AP3B1: variants seen among roughly 807,000 people sequenced by gnomAD.
AP3B1 encodes the protein adaptor related protein complex 3 subunit beta 1, also known as AP-3 complex subunit beta-1.
In AP3B1, 61 loss-of-function variants were observed where a neutral mutation model predicts 132.5. The ratio of observed to expected loss-of-function variants is 0.46; its 90% CI spans 0.37 to 0.57. The LOEUF is 0.57. AP3B1 is among the 20% of genes least tolerant of loss of function. AP3B1 has a pLI of 0.00. For missense variants in AP3B1, 1,120 were observed against 1,289.4 expected, an observed-to-expected ratio of 0.87 and a Z score of 2.01; for synonymous variants, 388 against 438.3, an observed-to-expected ratio of 0.89 and a Z score of 1.43.
At chr5:78,098,680 T>C (rs1418758112) in intron 21 of AP3B1, among the ~76,000 whole-genome samples, 7 of 152,200 alleles carry the variant, frequency 4.6e-5, no homozygotes, top group Non-Finnish European at 1.0e-4. Context: ...CACTGAACAA[T>C]GCTGCAATGA....
chr5:78,128,281 C>G, intron 16 of AP3B1, 121 bp from the exon 17 acceptor site: 1 of 902,516 alleles, frequency 1.1e-6, no homozygotes, highest in Admixed American at 2.3e-5. Context: ...TAAATATAGA[C>G]TAGGAAGCTC....
In AP3B1 at chr5:78,015,392, G is replaced by A. The variant is rs372831527; in HGVS notation, c.3131+18C>T. ...TTCAAGTCATCTTCACCTCCACATC[G>A]TGTGTTAGTGAACCTACCTGTGTAT... On this transcript the variant is annotated intron_variant, in intron 26 of 26. Coordinates refer to ENST00000255194, the MANE Select transcript of AP3B1 (RefSeq NM_003664.5). 80 of 1,611,820 alleles carry A rather than the reference G, an allele frequency of 5.0e-5. No individual in the cohort carries two copies. Among genetic ancestry groups the A allele is most frequent in the Non-Finnish European group, 5.9e-5 (69 of 1,178,360 alleles).
At chr5:78,294,341 C>G in intron 1 of AP3B1, 111 bp downstream of exon 1, 1 of 1,524,780 alleles carries the variant, frequency 6.6e-7, no homozygotes, top group South Asian at 1.1e-5. Context: ...CCCTGCCCTG[C>G]TCAGACCTCA....
chr5:78,199,144 G>A (rs920405522), intron 7 of AP3B1, among the ~76,000 whole-genome samples: 1 of 152,138 alleles, frequency 6.6e-6, no homozygotes, highest in African/African-American at 2.4e-5. Flanking sequence ...GTAACTTTGT[G>A]TTGAGCCACT....
intron 22 of AP3B1, among the ~76,000 whole-genome samples, chr5:78,049,315 C>A (rs1013874272): frequency 6.6e-5 from 10 of 152,120 alleles, no homozygotes; most frequent in African/African-American, 2.4e-4. Flanking sequence ...ATAAGAACAC[C>A]GTTATTTCAA....
chr5:78,090,937 C>CT (rs11419217), intron 21 of AP3B1, among the ~76,000 whole-genome samples: 35,506 of 148,730 alleles, frequency 0.24, 4,359 homozygotes, highest in Admixed American at 0.31. Context: ...CATACCCAGC[C>CT]TTTTTTTTTT....
At chr5:78,078,681 T>C (rs564921220) in intron 22 of AP3B1, among the ~76,000 whole-genome samples, 2 of 152,352 alleles carry the variant, frequency 1.3e-5, no homozygotes, top group African/African-American at 4.8e-5. Context: ...CAGAATTACT[T>C]GCTCCCTTGT....
chr5:78,113,677 T>C (rs1751693056), intron 19 of AP3B1, 75 bp downstream of exon 19: 2 of 1,536,132 alleles, frequency 1.3e-6, no homozygotes. Flanking sequence ...ATTTTTTGAT[T>C]AATAAGAAAC....
At chr5:78,146,655 C>A (rs1327587452) in intron 14 of AP3B1, among the ~76,000 whole-genome samples, 1 of 152,048 alleles carries the variant, frequency 6.6e-6, no homozygotes, top group Non-Finnish European at 1.5e-5. Context: ...CAGCATTGAT[C>A]CCTCTTCTGT....
At chr5:78,144,188 A>G (rs1753284424) in intron 14 of AP3B1, among the ~76,000 whole-genome samples, 1 of 152,160 alleles carries the variant, frequency 6.6e-6, no homozygotes, top group South Asian at 2.1e-4. Flanking sequence ...TCTGCTTTTC[A>G]ATATTCTCAA....
intron 5 of AP3B1, among the ~76,000 whole-genome samples, chr5:78,226,196 G>A (rs2112492855): frequency 6.6e-6 from 1 of 152,168 alleles, no homozygotes; most frequent in Admixed American, 6.5e-5. Flanking sequence ...GGTGCCCAAT[G>A]ATAGAAGGAC....
At chr5:78,046,066 G>C (rs749395290) in intron 22 of AP3B1, among the ~76,000 whole-genome samples, 6 of 152,090 alleles carry the variant, frequency 3.9e-5, no homozygotes, top group African/African-American at 7.2e-5. Flanking sequence ...GCTGACCCCC[G>C]ATCTAAGGGC....
At chr5:78,018,399 G>A (rs1186404547) in intron 25 of AP3B1, among the ~76,000 whole-genome samples, 1 of 151,848 alleles carries the variant, frequency 6.6e-6, no homozygotes, top group Non-Finnish European at 1.5e-5. Context: ...TTGCATATTA[G>A]AAATAAAACT....
chr5:78,240,492 C>T (rs937328438), intron 3 of AP3B1, among the ~76,000 whole-genome samples: 2 of 152,098 alleles, frequency 1.3e-5, no homozygotes, highest in African/African-American at 4.8e-5. Flanking sequence ...TCCCAAAAAG[C>T]CCCAAATCAT....
chr5:78,009,556 T>G (rs1216275341), intron 26 of AP3B1, among the ~76,000 whole-genome samples: 1 of 152,192 alleles, frequency 6.6e-6, no homozygotes, highest in African/African-American at 2.4e-5. Flanking sequence ...TGTCTTTATG[T>G]GTGTTGATAA....
intron 14 of AP3B1, among the ~76,000 whole-genome samples, chr5:78,145,265 T>C (rs1184588881): frequency 6.6e-6 from 1 of 152,248 alleles, no homozygotes; most frequent in East Asian, 1.9e-4. Context: ...ACATAGCTAA[T>C]ATCTATTGAG....
chr5:78,110,973 G>A (rs1025422904), intron 19 of AP3B1, among the ~76,000 whole-genome samples: 3 of 151,910 alleles, frequency 2.0e-5, no homozygotes, highest in South Asian at 2.1e-4. Flanking sequence ...GCCTAGGCTG[G>A]TCTGGAACTT....
intron 22 of AP3B1, among the ~76,000 whole-genome samples, chr5:78,063,761 T>C (rs1749159596): frequency 6.6e-6 from 1 of 152,256 alleles, no homozygotes; most frequent in Non-Finnish European, 1.5e-5. Context: ...AGTCTAGTAG[T>C]TTTCTAGCAA....
rs143269128 is a variant in AP3B1 at position 78,188,995 on chromosome 5, C to T, written c.787-7333G>A. 8.9e-3 allele frequency among the ~76,000 whole-genome samples: 1,356 copies of T among 152,242 alleles called. 18 individuals carry two copies. The highest frequency in any genetic ancestry group is 0.024 in the African/African-American group (987 of 41,538). ...TGCAGGAACAAAAAACCAAACACCA[C>T]GTTCTCACTTATAAGTGAGAACTGA... On this transcript the variant is annotated intron_variant, in intron 7 of 26. Transcript: ENST00000255194.
Sources: allele counts gnomAD v4.1 joint callset (sites outside exome capture counted in the v4.1 genomes callset), GRCh38; gene constraint gnomAD v4.1.1; transcripts MANE v1.5; gene names NCBI Gene and HGNC (gene_info 2026-07-23, HGNC 2026-07-21).